MAP7D3: variants seen among roughly 807,000 people sequenced by gnomAD.
The protein encoded by MAP7D3 is MAP7 domain-containing protein 3.
MAP7D3 carries 45 observed loss-of-function variants against 62.2 expected under a neutral mutation model. That is an observed-to-expected ratio of 0.72 (90% CI 0.57 to 0.93). The LOEUF is 0.93. MAP7D3 is among the 40% of genes least tolerant of loss of function. The probability of loss-of-function intolerance (pLI) is 0.00; values close to 1 mark genes in which losing one functional copy is unlikely to be tolerated. For synonymous variants in MAP7D3, 288 were observed against 248.8 expected, an observed-to-expected ratio of 1.16 and a Z score of -1.48; for missense variants, 711 against 683.1, an observed-to-expected ratio of 1.04 and a Z score of -0.45.
At chrX:136,216,399 AAAG>A (rs1317775024), downstream of MAP7D3, among the ~76,000 whole-genome samples, 165 of 104,417 alleles carry the variant, frequency 1.6e-3, no homozygotes, top group Non-Finnish European at 2.8e-3. Flanking sequence ...AGAGAAGAAG[AAAG>A]AAGAAGAAGA....
rs139010678 is a variant in MAP7D3 at position 136,230,805 on chromosome X, G to C, written c.1541+34C>G. The C allele has an allele frequency of 2.4e-5, 28 of 1,184,052 alleles. No individual in the cohort carries two copies. In the East Asian group the frequency reaches 8.4e-4, roughly 35 times the overall value. On this transcript the variant is annotated intron_variant, in intron 9 of 18. Coordinates refer to ENST00000316077, the MANE Select transcript of MAP7D3 (RefSeq NM_024597.4). ...GACATGGAATTTGTTCTAGTAAAAC[G>C]CCTATCAGGAACAGTTGCGAATAAG...
In MAP7D3 at chrX:136,246,843, G is replaced by A. The variant is rs192677510; in HGVS notation, c.71-502C>T. Among the ~76,000 whole-genome samples, 73 of 111,953 alleles carry A rather than the reference G, an allele frequency of 6.5e-4. 8 individuals carry two copies. In the East Asian group the frequency reaches 7.0e-3, roughly 11 times the overall value. On this transcript the variant is annotated intron_variant, in intron 1 of 18. Coordinates refer to ENST00000316077, the MANE Select transcript of MAP7D3 (RefSeq NM_024597.4). ...GATCAGGCCCAACCAATGTTAAGGA[G>A]TACATTTATAAATTACCTAAATTAG... is the stretch of plus-strand genomic sequence containing the variant.
intron 13 of MAP7D3, 28 bp downstream of exon 13, chrX:136,225,881 C>G (rs374699788): frequency 5.9e-4 from 577 of 975,588 alleles, no homozygotes; most frequent in Non-Finnish European, 8.0e-4. Flanking sequence ...AACACAGAAT[C>G]AAGTCCCCCC....
intron 5 of MAP7D3, 64 bp downstream of exon 5, chrX:136,241,096 A>T: frequency 1.6e-6 from 1 of 628,517 alleles, no homozygotes; most frequent in Non-Finnish European, 2.6e-6. Context: ...GCAAGCTTCT[A>T]CTCATAGCCA....
At chrX:136,224,680 A>G (rs1001110027) in intron 14 of MAP7D3, 147 bp downstream of exon 14, 10 of 408,131 alleles carry the variant, frequency 2.5e-5, no homozygotes, top group African/African-American at 5.1e-5. Context: ...TAAAGATATG[A>G]AAACATGGTC....
At chrX:136,221,154 T>C (rs1374161564) in intron 15 of MAP7D3, among the ~76,000 whole-genome samples, 191 bp from the exon 16 acceptor site, 1 of 110,984 alleles carries the variant, frequency 9.0e-6, no homozygotes, top group East Asian at 2.8e-4. Context: ...AGGCCACTGC[T>C]CAGCACACAC....
chrX:136,213,334 T>C (rs1178929067), downstream of MAP7D3: 2 of 110,809 alleles, frequency 1.8e-5, no homozygotes, highest in Non-Finnish European at 3.8e-5. Flanking sequence ...AGAGAAACAT[T>C]TTCTCCCTCA....
At chrX:136,233,689 C>A (rs1337823106) in intron 7 of MAP7D3, among the ~76,000 whole-genome samples, 1 of 97,076 alleles carries the variant, frequency 1.0e-5, no homozygotes, top group African/African-American at 3.7e-5. Context: ...TATCTGCCAT[C>A]TCATCTTTAA....
At chrX:136,229,980 TATATATA>T (rs2074244608) in intron 10 of MAP7D3, among the ~76,000 whole-genome samples, 2 of 63,220 alleles carry the variant, frequency 3.2e-5, no homozygotes, top group Non-Finnish European at 2.9e-5. Flanking sequence ...TATATATATA[TATATATA>T]TATATATTTT....
At chrX:136,237,179 T>G (rs933778473) in intron 6 of MAP7D3, among the ~76,000 whole-genome samples, 1 of 112,240 alleles carries the variant, frequency 8.9e-6, no homozygotes, top group Non-Finnish European at 1.9e-5. Context: ...TTTGGGGATT[T>G]GTAAACTAAA....
At chrX:136,251,807 C>A (rs944960709), upstream of MAP7D3, among the ~76,000 whole-genome samples, 2 of 111,442 alleles carry the variant, frequency 1.8e-5, no homozygotes, top group African/African-American at 6.5e-5. Context: ...CAAAGAAAGA[C>A]CCAAGTTGGG....
In MAP7D3 at chrX:136,246,167, A is replaced by C; in HGVS notation, c.170-19T>G. 1 of 1,133,241 alleles carries C rather than the reference A, an allele frequency of 8.8e-7. No homozygotes were observed. Among genetic ancestry groups the C allele is most frequent in the South Asian group, 1.9e-5 (1 of 52,918 alleles). 93.4% of individuals were successfully genotyped at this position (1,133,241 alleles called of 1,213,427 possible). A position where few individuals can be genotyped will look rare whatever the true frequency, so the allele number is the denominator to read the frequency against. On this transcript the variant is annotated intron_variant, in intron 2 of 18. Coordinates refer to ENST00000316077, the MANE Select transcript of MAP7D3 (RefSeq NM_024597.4). ...TCGATTACTAAAAAAAAAAGAATAT[A>C]GTTAGATATTAATAGGATATCAAAT...
chrX:136,251,384 G>A lies in MAP7D3; in HGVS notation c.-26C>T, dbSNP rs1192319250. On this transcript the variant is annotated 5_prime_UTR_variant, in exon 1 of 19. Transcript: ENST00000316077. ...CGGAGTCGGGACCGGAGGCGGTGGT[G>A]GCTCTCCGCATACATTGCGCAGGCG... 6 of 1,098,791 alleles carry A rather than the reference G, an allele frequency of 5.5e-6. No homozygotes were observed. Among genetic ancestry groups the A allele is most frequent in the Non-Finnish European group, 5.9e-6 (5 of 844,828 alleles). The allele number at this position is 1,098,791 out of a possible 1,213,427, so 90.6% of individuals were successfully genotyped here.
rs770751541 is a variant in MAP7D3, at chrX:136,240,478, G to A, written c.544C>T (p.Arg182Ter). The change falls in exon 6 of 19, where the codon CGA becomes TGA. Residue 182 changes from arginine (R) to a stop codon, truncating the protein, a stop_gained. Coordinates refer to ENST00000316077, the MANE Select transcript of MAP7D3 (RefSeq NM_024597.4). LOFTEE classifies it high-confidence loss of function. ...ANSESKTANK[R>*]SASTEKLEQG... is the part of the protein sequence containing the mutation. ...TCAAGTTTTTCAGTAGATGCAGATC[G>A]TTTATTGGCTGAGAAAAGACATAAT... is the stretch of plus-strand genomic sequence containing the variant. 7 of 1,146,886 alleles carry A rather than the reference G, an allele frequency of 6.1e-6. No homozygotes were observed. The highest frequency in any genetic ancestry group is 3.6e-5 in the South Asian group (2 of 55,011). The allele number at this position is 1,146,886 out of a possible 1,213,427, so 94.5% of individuals were successfully genotyped here.
chrX:136,244,437 C>T (rs1354039858), intron 4 of MAP7D3, among the ~76,000 whole-genome samples, 195 bp downstream of exon 4: 1 of 111,317 alleles, frequency 9.0e-6, no homozygotes, highest in African/African-American at 3.3e-5. Flanking sequence ...GCTAGTGGGT[C>T]TCAGCTCCTG....
intron 6 of MAP7D3, among the ~76,000 whole-genome samples, chrX:136,238,178 A>G (rs2074351589): frequency 9.0e-6 from 1 of 111,520 alleles, no homozygotes; most frequent in Admixed American, 9.6e-5. Context: ...TAGTGCCGCA[A>G]TAAAAATACG....
chrX:136,225,206 A>C (rs1026169415), intron 13 of MAP7D3, among the ~76,000 whole-genome samples: 2 of 112,922 alleles, frequency 1.8e-5, no homozygotes, highest in Non-Finnish European at 3.7e-5. Context: ...AGCTTTTAAC[A>C]TAATTTTAGT....
chrX:136,226,102 T>C (rs1275479068), intron 12 of MAP7D3, 89 bp from the exon 13 acceptor site: 1 of 579,089 alleles, frequency 1.7e-6, no homozygotes, highest in Non-Finnish European at 2.7e-6. Flanking sequence ...ATGGTAAATG[T>C]TATCTAGTAT....
At chrX:136,243,569 G>A (rs756520414) in intron 4 of MAP7D3, among the ~76,000 whole-genome samples, 1 of 111,034 alleles carries the variant, frequency 9.0e-6, no homozygotes, top group Non-Finnish European at 1.9e-5. Flanking sequence ...CAGGCGTGGC[G>A]GTAGGCGCCT....
Sources: allele counts gnomAD v4.1 joint callset (sites outside exome capture counted in the v4.1 genomes callset), GRCh38; gene constraint gnomAD v4.1.1; transcripts MANE v1.5; gene names NCBI Gene and HGNC (gene_info 2026-07-23, HGNC 2026-07-21).